The following GBE1 variants were observed in gnomAD, a reference collection of about 807,000 sequenced individuals.
GBE1 encodes the protein 1,4-alpha-glucan-branching enzyme.
A neutral mutation model predicts 88.8 loss-of-function variants in GBE1; 70 were observed. That is an observed-to-expected ratio of 0.79 (90% CI 0.65 to 0.96). GBE1 has a LOEUF of 0.96. GBE1 is among the 40% of genes least tolerant of loss of function. GBE1 has a pLI of 0.00. For missense variants in GBE1, 872 were observed against 871.0 expected, an observed-to-expected ratio of 1.00 and a Z score of -0.01; for synonymous variants, 284 against 300.1, an observed-to-expected ratio of 0.95 and a Z score of 0.56.
Position 81,704,506 on chromosome 3 carries a change from C to A in GBE1, c.313+938G>T, listed in dbSNP as rs983367779. Among the ~76,000 whole-genome samples the A allele has an allele frequency of 2.0e-4, 31 of 152,020 alleles. 1 individual carries two copies. Among genetic ancestry groups the A allele is most frequent in the Non-Finnish European group, 2.9e-5 (2 of 67,974 alleles). On this transcript the variant is annotated intron_variant, in intron 2 of 15. Transcript: ENST00000429644. ...AATCAACCTTTACCCACCACCCCAA[C>A]CCCTGACAACAATGATCTGTTATCT...
intron 9 of GBE1, among the ~76,000 whole-genome samples, chr3:81,588,559 TA>T: frequency 6.6e-6 from 1 of 151,782 alleles, no homozygotes; most frequent in East Asian, 2.0e-4. Context: ...CCCATAGACA[TA>T]TTTTTTTGGA....
intron 2 of GBE1, 42 bp downstream of exon 2, chr3:81,705,402 A>T: frequency 7.5e-7 from 1 of 1,330,190 alleles, no homozygotes; most frequent in Non-Finnish European, 1.0e-6. Flanking sequence ...TTAAATAGTT[A>T]ATAAGATATT....
chr3:81,646,859 C>A (rs1006170157), intron 5 of GBE1, among the ~76,000 whole-genome samples: 1 of 151,866 alleles, frequency 6.6e-6, no homozygotes, highest in Non-Finnish European at 1.5e-5. Flanking sequence ...GCATGACATA[C>A]GCTTTTTATT....
At chr3:81,668,095 T>C (rs1002213677) in intron 3 of GBE1, among the ~76,000 whole-genome samples, 1 of 152,120 alleles carries the variant, frequency 6.6e-6, no homozygotes, top group Admixed American at 6.6e-5. Flanking sequence ...CTGGAAGCCA[T>C]CATTCTCAGC....
intron 7 of GBE1, among the ~76,000 whole-genome samples, chr3:81,595,908 G>A (rs1464592134): frequency 6.6e-6 from 1 of 151,938 alleles, no homozygotes; most frequent in Non-Finnish European, 1.5e-5. Flanking sequence ...AAACAATAGT[G>A]ACAATGGAGC....
chr3:81,526,708 T>C (rs957734395), intron 14 of GBE1, among the ~76,000 whole-genome samples: 1 of 151,846 alleles, frequency 6.6e-6, no homozygotes, highest in Non-Finnish European at 1.5e-5. Flanking sequence ...CACTGCTCAA[T>C]GAAATAAAAG....
chr3:81,729,259 T>A (rs570277842), intron 1 of GBE1, among the ~76,000 whole-genome samples: 2 of 152,242 alleles, frequency 1.3e-5, no homozygotes, highest in African/African-American at 4.8e-5. Context: ...AGTCACTTGT[T>A]CCTACTGTTT....
At chr3:81,661,842 A>G (rs1470896625) in intron 3 of GBE1, among the ~76,000 whole-genome samples, 1 of 152,154 alleles carries the variant, frequency 6.6e-6, no homozygotes, top group Non-Finnish European at 1.5e-5. Flanking sequence ...AGGAAAGAAA[A>G]CATCAGGTTA....
chr3:81,623,717 C>T (rs1158769669), intron 7 of GBE1, among the ~76,000 whole-genome samples: 11 of 152,188 alleles, frequency 7.2e-5, no homozygotes, highest in Admixed American at 6.5e-4. Flanking sequence ...GACCATGGCT[C>T]ACTGAAACCT....
intron 10 of GBE1, among the ~76,000 whole-genome samples, chr3:81,583,271 A>G (rs1703758624): frequency 6.6e-6 from 1 of 152,174 alleles, no homozygotes; most frequent in Non-Finnish European, 1.5e-5. Flanking sequence ...ATCACTAGTC[A>G]GAATGTAAAA....
At chr3:81,492,609 C>A (rs1208880703) in intron 15 of GBE1, among the ~76,000 whole-genome samples, 1 of 151,962 alleles carries the variant, frequency 6.6e-6, no homozygotes, top group African/African-American at 2.4e-5. Context: ...CTACATCTTT[C>A]TTTCTTTCTT....
At chr3:81,643,447 C>T (rs1461393188) in intron 6 of GBE1, among the ~76,000 whole-genome samples, 2 of 152,016 alleles carry the variant, frequency 1.3e-5, no homozygotes, top group Non-Finnish European at 1.5e-5. Flanking sequence ...AACAGAATGC[C>T]CACAGTTACC....
intron 2 of GBE1, among the ~76,000 whole-genome samples, chr3:81,675,533 T>A (rs994655759): frequency 6.6e-6 from 1 of 152,062 alleles, no homozygotes; most frequent in Non-Finnish European, 1.5e-5. Context: ...CAGATAATAT[T>A]CTCTATGATA....
chr3:81,672,318 T>A (rs1257289286), intron 2 of GBE1, among the ~76,000 whole-genome samples: 2 of 151,960 alleles, frequency 1.3e-5, no homozygotes, highest in African/African-American at 4.8e-5. Flanking sequence ...TTCAAAATTA[T>A]TCCCTGAAGA....
intron 7 of GBE1, among the ~76,000 whole-genome samples, chr3:81,617,174 A>G (rs1704260125): frequency 6.6e-6 from 1 of 151,778 alleles, no homozygotes; most frequent in South Asian, 2.1e-4. Context: ...AGAGAAAGGA[A>G]AGTTTTATTT....
At chr3:81,668,355 G>A (rs2107110497) in intron 3 of GBE1, among the ~76,000 whole-genome samples, 1 of 152,124 alleles carries the variant, frequency 6.6e-6, no homozygotes, top group Non-Finnish European at 1.5e-5. Flanking sequence ...AATAAAAAAT[G>A]AAAATAAAGC....
chr3:81,673,677 TAAAG>T (rs1559683558), intron 2 of GBE1, among the ~76,000 whole-genome samples: 2 of 151,968 alleles, frequency 1.3e-5, no homozygotes, highest in African/African-American at 4.8e-5. Flanking sequence ...TAATATTTGA[TAAAG>T]AAAAATACTT....
At chr3:81,660,752 T>C (rs939463391) in intron 3 of GBE1, among the ~76,000 whole-genome samples, 8 of 152,010 alleles carry the variant, frequency 5.3e-5, no homozygotes, top group Admixed American at 2.6e-4. Context: ...ACACTTTAAA[T>C]TGAAGAAAGT....
intron 12 of GBE1, among the ~76,000 whole-genome samples, chr3:81,575,707 T>G (rs1703639155): frequency 6.6e-6 from 1 of 152,198 alleles, no homozygotes; most frequent in Non-Finnish European, 1.5e-5. Context: ...TAAATTGCTC[T>G]TTTTAAATAT....
Sources: gnomAD v4.1 joint callset for allele counts (sites outside exome capture counted in the v4.1 genomes callset) on GRCh38, gnomAD v4.1.1 for gene constraint, MANE v1.5 for transcripts, NCBI Gene and HGNC (gene_info 2026-07-23, HGNC 2026-07-21) for gene names.